TENM1: variants seen among roughly 807,000 people sequenced by gnomAD.
TENM1 encodes teneurin-1.
In TENM1, 35 loss-of-function variants were observed where a neutral mutation model predicts 174.8. The ratio of observed to expected loss-of-function variants is 0.20; its 90% CI spans 0.15 to 0.27. The LOEUF (loss-of-function observed/expected upper bound fraction) is 0.27, where lower values mean the gene tolerates loss of function less well. Ranked by LOEUF, TENM1 falls within the 10% of genes least tolerant of loss-of-function variation. The pLI is 1.00. For synonymous variants in TENM1, 781 were observed against 798.7 expected (o/e 0.98, Z 0.37); for missense variants, 1,633 against 2,130.1 (o/e 0.77, Z 4.59).
intron 3 of TENM1, among the ~76,000 whole-genome samples, chrX:124,857,525 T>C (rs1437445452): frequency 3.6e-5 from 4 of 111,383 alleles, no homozygotes; most frequent in African/African-American, 9.8e-5. Context: ...TTGTATGACA[T>C]CTCCAGAATA....
In TENM1 at chrX:124,603,047, T is replaced by C. The variant is rs146089087; in HGVS notation, c.2078-37487A>G. Among the ~76,000 whole-genome samples the C allele has an allele frequency of 8.6e-3, 950 of 110,313 alleles. 8 individuals are homozygous for C. Among genetic ancestry groups the C allele is most frequent in the African/African-American group, 0.029 (895 of 30,366 alleles). The stretch of plus-strand genomic sequence containing the variant: ...GCCATATGAAGACAGAGGCAGAGAC[T>C]GGAGTTATGTAGTCACACACTAAGG... On this transcript the variant is annotated intron_variant, in intron 11 of 31. Transcript: ENST00000422452.
chrX:124,581,796 T>C (rs1484310017), intron 11 of TENM1, among the ~76,000 whole-genome samples: 1 of 112,239 alleles, frequency 8.9e-6, no homozygotes, highest in African/African-American at 3.2e-5. Context: ...TGATTAATGA[T>C]GTGGAGCATT....
In TENM1 at chrX:124,415,573, TG is replaced by T. The variant is rs765137697; in HGVS notation, c.4982+4737del. Among the ~76,000 whole-genome samples the T allele has an allele frequency of 2.0e-3, 224 of 111,900 alleles. 1 individual carries two copies. The highest frequency in any genetic ancestry group is 7.2e-3 in the African/African-American group (221 of 30,777). ...CTGGATAAGCCAACTAGCATGTGAA[TG>T]GGCACGTTACTTCCCTATTCTGGGT... On this transcript the variant is annotated intron_variant, in intron 25 of 31. Transcript: ENST00000422452.
intron 3 of TENM1, among the ~76,000 whole-genome samples, chrX:124,794,998 AT>A (rs1168432712): frequency 1.8e-5 from 2 of 110,920 alleles, no homozygotes; most frequent in African/African-American, 3.3e-5. Flanking sequence ...CTAAGGAAGG[AT>A]TTTTTTCAGC....
At chrX:124,596,519 C>T (rs765677338) in intron 11 of TENM1, among the ~76,000 whole-genome samples, 85 of 112,200 alleles carry the variant, frequency 7.6e-4, no homozygotes, top group African/African-American at 2.6e-3. Flanking sequence ...ATGCAGAGTG[C>T]AATGGGAGAC....
At chrX:124,413,605 T>C (rs947244257) in intron 25 of TENM1, among the ~76,000 whole-genome samples, 1 of 112,147 alleles carries the variant, frequency 8.9e-6, no homozygotes, top group African/African-American at 3.2e-5. Context: ...TTTCAGTTCT[T>C]CCCAGAAATA....
At chrX:124,471,273 TATATATA>T (rs2061309320) in intron 22 of TENM1, among the ~76,000 whole-genome samples, 3 of 56,389 alleles carry the variant, frequency 5.3e-5, no homozygotes, top group South Asian at 1.2e-3. Context: ...TATATAGTAC[TATATATA>T]ATATATAGTA....
chrX:125,072,404 C>T, the TENM1 span, among the ~76,000 whole-genome samples: 4 of 111,736 alleles, frequency 3.6e-5, no homozygotes, highest in African/African-American at 1.3e-4. Context: ...GAATTGCCAT[C>T]TACTGTAATT....
At chrX:125,125,253 G>A in the TENM1 span, among the ~76,000 whole-genome samples, 1 of 111,598 alleles carries the variant, frequency 9.0e-6, no homozygotes, top group Admixed American at 9.5e-5. Flanking sequence ...CATCAGGTTT[G>A]GCTAATAACA....
chrX:125,084,315 G>A, the TENM1 span, among the ~76,000 whole-genome samples: 1 of 110,526 alleles, frequency 9.0e-6, no homozygotes, highest in African/African-American at 3.3e-5. Flanking sequence ...TGGTTTTTGG[G>A]ATAGATAAGT....
intron 27 of TENM1, among the ~76,000 whole-genome samples, chrX:124,398,632 CTT>C (rs201392496): frequency 9.2e-6 from 1 of 109,092 alleles, no homozygotes; most frequent in Non-Finnish European, 1.9e-5. Context: ...TTCTTTTTTT[CTT>C]TTTTTTTATT....
At chrX:124,490,515 G>A (rs761589724) in intron 20 of TENM1, among the ~76,000 whole-genome samples, 1 of 111,912 alleles carries the variant, frequency 8.9e-6, no homozygotes, top group South Asian at 3.8e-4. Flanking sequence ...CCCAGTCAAT[G>A]ACAGGAATCA....
intron 4 of TENM1, among the ~76,000 whole-genome samples, chrX:124,713,497 C>T (rs1480743472): frequency 9.0e-6 from 1 of 111,533 alleles, no homozygotes; most frequent in African/African-American, 3.3e-5. Context: ...CGAACTCCCA[C>T]CCTCAGGTGA....
intron 18 of TENM1, 77 bp downstream of exon 21, chrX:124,520,440 T>C (rs923487355): frequency 1.8e-4 from 170 of 962,021 alleles, no homozygotes; most frequent in Non-Finnish European, 2.3e-4. Flanking sequence ...TTATTCCAAA[T>C]ACAAATTAAC....
At chrX:124,459,133 G>A (rs760873169) in intron 22 of TENM1, among the ~76,000 whole-genome samples, 17 of 111,317 alleles carry the variant, frequency 1.5e-4, no homozygotes, top group African/African-American at 2.6e-4. Flanking sequence ...GGGATGGGCC[G>A]GGGAAATGAA....
In TENM1 at chrX:124,740,734, TC is replaced by T. The variant is rs200432269; in HGVS notation, c.536-3538del. On this transcript the variant is annotated intron_variant, in intron 3 of 31. Transcript: ENST00000422452. ...GGAAAAAGATGGGGAATGCACTTGT[TC>T]CCTCCCAAATGAAGTAATTTAATAC... 7.0e-3 allele frequency among the ~76,000 whole-genome samples: 778 copies of T among 111,513 alleles called. 9 individuals are homozygous for T. The highest frequency in any genetic ancestry group is 0.024 in the African/African-American group (723 of 30,650).
intron 11 of TENM1, among the ~76,000 whole-genome samples, chrX:124,618,430 A>C (rs1473718801): frequency 8.9e-6 from 1 of 111,877 alleles, no homozygotes; most frequent in Non-Finnish European, 1.9e-5. Flanking sequence ...ATTTTCTGTT[A>C]TTTAATGCTA....
chrX:125,074,877 T>G, the TENM1 span, among the ~76,000 whole-genome samples: 1 of 111,960 alleles, frequency 8.9e-6, no homozygotes, highest in Non-Finnish European at 1.9e-5. Context: ...AAACTCCAGT[T>G]CCTTCAGGAG....
chrX:124,805,360 T>C (rs925170549), intron 3 of TENM1, among the ~76,000 whole-genome samples: 1 of 112,094 alleles, frequency 8.9e-6, no homozygotes, highest in Non-Finnish European at 1.9e-5. Flanking sequence ...AGAAGCAATA[T>C]ATAATAGTTC....
Sources: gnomAD v4.1 joint callset for allele counts (sites outside exome capture counted in the v4.1 genomes callset) on GRCh38, gnomAD v4.1.1 for gene constraint, MANE v1.5 for transcripts, NCBI Gene and HGNC (gene_info 2026-07-23, HGNC 2026-07-21) for gene names.